SNX31: variants seen among roughly 807,000 people sequenced by gnomAD.
The protein encoded by SNX31 is sorting nexin-31.
A neutral mutation model predicts 65.4 loss-of-function variants in SNX31; 58 were observed. The ratio of observed to expected loss-of-function variants is 0.89; its 90% CI spans 0.72 to 1.10. The LOEUF is 1.10. Among genes scored for constraint, SNX31 ranks in the 50% least tolerant of loss-of-function variants. SNX31 has a pLI of 0.00. For missense variants in SNX31, 523 were observed against 529.7 expected (o/e 0.99, Z 0.12); for synonymous variants, 181 against 190.1 (o/e 0.95, Z 0.39).
At chr8:100,602,120 T>C (rs1419308599) in intron 8 of SNX31, among the ~76,000 whole-genome samples, 1 of 152,256 alleles carries the variant, frequency 6.6e-6, no homozygotes, top group East Asian at 1.9e-4. Context: ...GTCGTCTCAG[T>C]GTGCCTTGCC....
chr8:100,635,845 A>G (rs1818730916), intron 3 of SNX31, 52 bp downstream of exon 3: 1 of 1,278,694 alleles, frequency 7.8e-7, no homozygotes, highest in Non-Finnish European at 1.1e-6. Context: ...TTTGTGGCAT[A>G]TAGCTTACAT....
intron 4 of SNX31, chr8:100,619,962 T>G (rs933520641): frequency 6.6e-6 from 1 of 152,162 alleles, no homozygotes; most frequent in Non-Finnish European, 1.5e-5. Context: ...CCTTTTTTTT[T>G]AAGACTAATA....
intron 2 of SNX31, among the ~76,000 whole-genome samples, chr8:100,636,858 G>A (rs1038876015): frequency 3.3e-5 from 5 of 151,986 alleles, no homozygotes; most frequent in African/African-American, 1.2e-4. Flanking sequence ...AGTAGCTGGG[G>A]TTACAGACAT....
intron 8 of SNX31, among the ~76,000 whole-genome samples, chr8:100,606,527 C>T (rs994984923): frequency 1.3e-5 from 2 of 152,182 alleles, no homozygotes; most frequent in African/African-American, 4.8e-5. Flanking sequence ...GTTTCTTTCC[C>T]TCTTCTACGC....
intron 2 of SNX31, among the ~76,000 whole-genome samples, chr8:100,640,799 C>T (rs1292936455): frequency 6.6e-6 from 1 of 151,784 alleles, no homozygotes. Context: ...GGTCATTAAA[C>T]ATAAGGAAAA....
intron 1 of SNX31, among the ~76,000 whole-genome samples, chr8:100,661,857 C>T (rs1002976157): frequency 6.6e-6 from 1 of 152,084 alleles, no homozygotes; most frequent in African/African-American, 2.4e-5. Flanking sequence ...CAGAATCTTG[C>T]TCTGTTGCCC....
chr8:100,611,878 TC>T lies in SNX31; in HGVS notation c.611+121del. 5.4e-6 allele frequency: 4 copies of T among 740,232 alleles called. No homozygotes were observed. In the South Asian group the frequency reaches 7.0e-5, roughly 13 times the overall value. 45.9% of individuals were successfully genotyped at this position (740,232 alleles called of 1,614,324 possible). A position where few individuals can be genotyped will look rare whatever the true frequency, so the allele number is the denominator to read the frequency against. ...GCCTTCATTGCTTTTCTCAGAGCCT[TC>T]TCTAAGTTCTTGGTCTCCAGCTGTC... On this transcript the variant is annotated intron_variant, in intron 7 of 13. Coordinates refer to ENST00000311812, the MANE Select transcript of SNX31 (RefSeq NM_152628.4).
chr8:100,635,554 T>TAA (rs58496992), intron 3 of SNX31, among the ~76,000 whole-genome samples: 7,058 of 134,206 alleles, frequency 0.053, 261 homozygotes, highest in East Asian at 0.1. Flanking sequence ...CTTCATCTCT[T>TAA]AAAAAAAAAA....
intron 2 of SNX31, among the ~76,000 whole-genome samples, chr8:100,644,868 G>A (rs1256822514): frequency 1.3e-5 from 2 of 152,162 alleles, no homozygotes; most frequent in Non-Finnish European, 2.9e-5. Context: ...TTTTACCATT[G>A]CCCAGGCAGG....
chr8:100,590,717 G>A (rs1425015419), intron 10 of SNX31, among the ~76,000 whole-genome samples: 2 of 152,138 alleles, frequency 1.3e-5, no homozygotes, highest in Non-Finnish European at 2.9e-5. Flanking sequence ...GGGAGGTGAA[G>A]GTTGCAGTGA....
At chr8:100,635,441 A>C (rs894677390) in intron 3 of SNX31, among the ~76,000 whole-genome samples, 1 of 142,710 alleles carries the variant, frequency 7.0e-6, no homozygotes, top group Non-Finnish European at 1.5e-5. Context: ...GGATCTCTCT[A>C]TGTTGCTCAG....
At chr8:100,659,465 G>C (rs756784218) in intron 1 of SNX31, among the ~76,000 whole-genome samples, 1 of 151,896 alleles carries the variant, frequency 6.6e-6, no homozygotes, top group Non-Finnish European at 1.5e-5. Context: ...ACGGGTCTCA[G>C]AGACAGATAT....
chr8:100,590,170 C>T (rs1814435400), intron 10 of SNX31, among the ~76,000 whole-genome samples: 1 of 152,198 alleles, frequency 6.6e-6, no homozygotes, highest in Non-Finnish European at 1.5e-5. Context: ...CTAACTCTTA[C>T]AGGTTTTATA....
chr8:100,642,348 TAA>T (rs1819317670), intron 2 of SNX31, among the ~76,000 whole-genome samples: 1 of 152,188 alleles, frequency 6.6e-6, no homozygotes, highest in Non-Finnish European at 1.5e-5. Flanking sequence ...CATGTGTTCG[TAA>T]ATGTCGCAGA....
chr8:100,641,658 ATG>A (rs765395270), intron 2 of SNX31, among the ~76,000 whole-genome samples: 546 of 35,674 alleles, frequency 0.015, 3 homozygotes, highest in Non-Finnish European at 0.021. Flanking sequence ...ATATATATAT[ATG>A]TATGGTACTT....
chr8:100,581,640 T>C (rs1813565293), intron 12 of SNX31, among the ~76,000 whole-genome samples: 1 of 152,124 alleles, frequency 6.6e-6, no homozygotes, highest in Non-Finnish European at 1.5e-5. Flanking sequence ...TGCTTCAGAT[T>C]CTTTAAGATG....
At position 100,613,682 on chromosome 8, in the gene SNX31, A is replaced by G. The variant is rs149646173; in HGVS notation, c.433-597T>C. Reference sequence around the variant, plus strand: ...CCAGGCACAGGTTGCCTTCCTTCACATTCCTCTTTGACTTATATCAAACAG... The same window carrying G: ...CCAGGCACAGGTTGCCTTCCTTCACGTTCCTCTTTGACTTATATCAAACAG... On this transcript the variant is annotated intron_variant, in intron 5 of 13. Transcript: ENST00000311812. This position sits in a 1 kb window ranked among gnomAD's most constrained non-coding sequence, Gnocchi z 5.2. 2.2e-4 allele frequency among the ~76,000 whole-genome samples: 34 copies of G among 152,300 alleles called. No individual in the cohort carries two copies. The East Asian group carries it at 5.2e-3, about 23-fold the overall frequency.
At chr8:100,641,562 AAAAATATATAT>A (rs1463630154) in intron 2 of SNX31, among the ~76,000 whole-genome samples, 10 of 28,086 alleles carry the variant, frequency 3.6e-4, no homozygotes, top group African/African-American at 2.9e-3. Flanking sequence ...AAAAAAAAAA[AAAAATATATAT>A]ATATATATAT....
chr8:100,595,314 G>GC, intron 10 of SNX31, among the ~76,000 whole-genome samples: 1 of 125,574 alleles, frequency 8.0e-6, no homozygotes, highest in East Asian at 2.1e-4. Context: ...GGAATTTGTT[G>GC]TTTTTTTTTT....
Sources: gnomAD v4.1 joint callset for allele counts (sites outside exome capture counted in the v4.1 genomes callset) on GRCh38, gnomAD v4.1.1 for gene constraint, Gnocchi (gnomAD v3.1) non-coding constraint, MANE v1.5 for transcripts, NCBI Gene and HGNC (gene_info 2026-07-23, HGNC 2026-07-21) for gene names.